LRP2: variants seen among roughly 807,000 people sequenced by gnomAD.
The protein encoded by LRP2 is LDL receptor related protein 2, also known as low-density lipoprotein receptor-related protein 2.
In LRP2, 172 loss-of-function variants were observed where a neutral mutation model predicts 531.0. The observed-to-expected ratio is 0.32, with a 90% CI of 0.29 to 0.37. LRP2 has a LOEUF of 0.37. LRP2 is among the 10% of genes least tolerant of loss of function. The probability of loss-of-function intolerance (pLI) is 1.00; values close to 1 mark genes in which losing one functional copy is unlikely to be tolerated. For missense variants in LRP2, 5,167 were observed against 5,868.3 expected, an observed-to-expected ratio of 0.88 and a Z score of 3.90; for synonymous variants, 1,992 against 2,027.6, an observed-to-expected ratio of 0.98 and a Z score of 0.47.
chr2:169,310,007 T>C (rs1346128150), intron 3 of LRP2, among the ~76,000 whole-genome samples: 7 of 152,172 alleles, frequency 4.6e-5, no homozygotes, highest in Non-Finnish European at 1.0e-4. Context: ...AATTCACTCA[T>C]GATTTGGCTC....
chr2:169,168,045 A>ATATATATG (rs1558991118), intron 61 of LRP2, among the ~76,000 whole-genome samples: 1 of 135,026 alleles, frequency 7.4e-6, no homozygotes, highest in Non-Finnish European at 1.6e-5. Flanking sequence ...ATATATATAT[A>ATATATATG]TGCATCATTC....
intron 35 of LRP2, among the ~76,000 whole-genome samples, chr2:169,215,574 C>T (rs1246297626): frequency 6.6e-6 from 1 of 151,590 alleles, no homozygotes; most frequent in African/African-American, 2.4e-5. Flanking sequence ...AGTTCAGAAC[C>T]TTGCTACGTA....
chr2:169,143,551 CAGG>C (rs1330586447), intron 70 of LRP2, among the ~76,000 whole-genome samples: 2 of 152,118 alleles, frequency 1.3e-5, no homozygotes, highest in Non-Finnish European at 2.9e-5. Context: ...GAGGCTGAGG[CAGG>C]AGAATGGTGT....
rs764121443 is a variant in LRP2 at position 169,182,285 on chromosome 2, G to A, written c.9880C>T (p.Leu3294Phe). The A allele has an allele frequency of 3.1e-6, 5 of 1,613,878 alleles. No individual in the cohort carries two copies. Among genetic ancestry groups the A allele is most frequent in the Non-Finnish European group, 4.2e-6 (5 of 1,179,950 alleles). ...LYWLDARLDG[L>F]FVSDLNGGHR... Reference sequence around the variant, plus strand: ...CCACCATTGAGGTCAGAGACAAAGAGGCCATCCAGGCGGGCATCCAACCAG... The same window carrying A: ...CCACCATTGAGGTCAGAGACAAAGAAGCCATCCAGGCGGGCATCCAACCAG... Residue 3294 changes from leucine to phenylalanine, a missense_variant, in exon 51 of 79, where the codon CTC becomes TTC. This residue lies in a region of LRP2 where 1,129 missense variants were observed against 1,362.7 expected (regional missense o/e 0.83). Coordinates refer to ENST00000649046, the MANE Select transcript of LRP2 (RefSeq NM_004525.3).
rs112070606 is a variant in LRP2, at chr2:169,182,102, C to T, written c.9998+65G>A. 0.031 allele frequency: 49,672 copies of T among 1,601,416 alleles called. 930 individuals carry two copies. Among genetic ancestry groups the T allele is most frequent in the Non-Finnish European group, 0.034 (39,942 of 1,170,108 alleles). Reference sequence around the variant, plus strand: ...GCCTTGAGATAGTTACATGAACAGCCTTCTCGGTAACAGAGGCAGAAGAAG... The same window carrying T: ...GCCTTGAGATAGTTACATGAACAGCTTTCTCGGTAACAGAGGCAGAAGAAG... On this transcript the variant is annotated intron_variant, in intron 51 of 78. Coordinates refer to ENST00000649046, the MANE Select transcript of LRP2 (RefSeq NM_004525.3).
At chr2:169,225,279 G>C in intron 33 of LRP2, 31 bp downstream of exon 33, 1 of 1,605,340 alleles carries the variant, frequency 6.2e-7, no homozygotes, top group Non-Finnish European at 8.5e-7. Context: ...TAAATCCAAT[G>C]TTTGTGTAAG....
rs755720299 is a variant in LRP2 at position 169,172,075 on chromosome 2, G to A, written c.11203C>T (p.Leu3735Phe). Residue 3735 changes from leucine to phenylalanine, a missense_variant, in exon 58 of 79, where the codon CTT becomes TTT. This residue lies in a region of LRP2 where 311 missense variants were observed against 309.4 expected (regional missense o/e 1.01). Coordinates refer to ENST00000649046, the MANE Select transcript of LRP2 (RefSeq NM_004525.3). Reference protein sequence around the residue: ...FRCKNHHCIPLRWQCDGQNDC... With the variant: ...FRCKNHHCIPFRWQCDGQNDC... ...TTTTGCCCATCACACTGCCAACGAA[G>A]AGGGATGCAGTGGTGATTTTTACAG... 8 of 1,614,068 alleles carry A rather than the reference G, an allele frequency of 5.0e-6. No individual in the cohort carries two copies. The highest frequency in any genetic ancestry group is 6.8e-6 in the Non-Finnish European group (8 of 1,180,008).
intron 24 of LRP2, among the ~76,000 whole-genome samples, chr2:169,242,463 C>T (rs1313315037): frequency 6.6e-6 from 1 of 152,182 alleles, no homozygotes; most frequent in African/African-American, 2.4e-5. Flanking sequence ...GCTTAATTGT[C>T]TCTTGCCTTC....
intron 9 of LRP2, among the ~76,000 whole-genome samples, chr2:169,284,255 T>TCTC: frequency 1.9e-5 from 1 of 52,298 alleles, no homozygotes; most frequent in African/African-American, 5.8e-5. Context: ...TTCTTTTTTT[T>TCTC]CTTTTTTTTT....
chr2:169,178,770 AAT>A (rs1205083926), intron 52 of LRP2, among the ~76,000 whole-genome samples: 3 of 152,168 alleles, frequency 2.0e-5, no homozygotes, highest in Admixed American at 1.3e-4. Context: ...GTGAAAATTT[AAT>A]ATTTTAAAAA....
chr2:169,176,744 A>G (rs1315759733), intron 53 of LRP2, among the ~76,000 whole-genome samples, 156 bp from the exon 54 acceptor site: 1 of 152,250 alleles, frequency 6.6e-6, no homozygotes, highest in Non-Finnish European at 1.5e-5. Context: ...TAAATAAAAC[A>G]GATGATAGAG....
chr2:169,318,177 G>GT (rs1468343849), intron 3 of LRP2, among the ~76,000 whole-genome samples: 1 of 151,984 alleles, frequency 6.6e-6, no homozygotes, highest in Non-Finnish European at 1.5e-5. Context: ...GAATTTAAAG[G>GT]TTTTTTCCAG....
intron 37 of LRP2, 115 bp from the exon 38 acceptor site, chr2:169,209,756 T>G (rs1688527950): frequency 1.0e-6 from 1 of 1,004,588 alleles, no homozygotes; most frequent in Admixed American, 2.0e-5. Flanking sequence ...CATCTCCCCA[T>G]TACAAAATGA....
chr2:169,205,604 G>C lies in LRP2; in HGVS notation c.7590C>G (p.Ala2530=), dbSNP rs141872736. 81 of 1,613,462 alleles carry C rather than the reference G, an allele frequency of 5.0e-5. No homozygotes were observed. The highest frequency in any genetic ancestry group is 4.7e-5 in the Non-Finnish European group (55 of 1,179,930). The change falls in exon 41 of 79, where the codon GCC becomes GCG. Residue 2530 remains alanine (A), a synonymous_variant. Coordinates refer to ENST00000649046, the MANE Select transcript of LRP2 (RefSeq NM_004525.3). ...YLYWADWDTH[A]KIERATLGGN... The stretch of plus-strand genomic sequence containing the variant: ...CTCCCAATGTGGCTCTCTCGATTTT[G>C]GCATGTGTATCCCAGTCAGCCCAGT...
At chr2:169,346,437 A>T (rs1007020313) in intron 1 of LRP2, among the ~76,000 whole-genome samples, 1 of 152,232 alleles carries the variant, frequency 6.6e-6, no homozygotes, top group Admixed American at 6.5e-5. Flanking sequence ...TTGAAAAAAA[A>T]ATGCAGAATT....
Position 169,174,053 on chromosome 2 carries a change from C to A in LRP2, c.10880G>T (p.Ser3627Ile), listed in dbSNP as rs138660534. 3.8e-5 allele frequency: 62 copies of A among 1,614,232 alleles called. No homozygotes were observed. The African/African-American group carries it at 7.7e-4, about 20-fold the overall frequency. ...NDCEDNSDED[S>I]SHCASRTCRP... ...GCAGGTCCTGCTGGCACAGTGGGAA[C>A]TGTCTTCATCTGAGTTATCCTCACA... The change falls in exon 56 of 79, where the codon AGT (serine) becomes ATT (isoleucine). Residue 3627 changes from serine to isoleucine, a missense_variant. Ser to Ile is a moderately radical substitution (Grantham distance 142). Transcript: ENST00000649046.
chr2:169,341,338 T>A (rs976031915), intron 1 of LRP2, among the ~76,000 whole-genome samples: 4 of 152,126 alleles, frequency 2.6e-5, no homozygotes, highest in Admixed American at 6.6e-5. Context: ...AAATTAAAAT[T>A]AAAATAAATT....
intron 1 of LRP2, among the ~76,000 whole-genome samples, chr2:169,356,333 A>G (rs947250076): frequency 6.6e-6 from 1 of 152,270 alleles, no homozygotes; most frequent in African/African-American, 2.4e-5. Flanking sequence ...GCACAGGTGC[A>G]TCATTCTCAG....
intron 68 of LRP2, 22 bp from the exon 69 acceptor site, chr2:169,146,981 C>A: frequency 1.9e-6 from 3 of 1,553,948 alleles, no homozygotes; most frequent in Non-Finnish European, 2.6e-6. Flanking sequence ...GATTTCTTCA[C>A]TGTAGCATCT....
Sources: gnomAD v4.1 joint callset for allele counts (sites outside exome capture counted in the v4.1 genomes callset) on GRCh38, gnomAD v4.1.1 for gene constraint, gnomAD v4.1.1 regional missense constraint, MANE v1.5 for transcripts, NCBI Gene and HGNC (gene_info 2026-07-23, HGNC 2026-07-21) for gene names.